Variants in CDKN2B-AS1 observed in about 807,000 individuals in gnomAD.
CDKN2B-AS1 encodes the protein CDKN2B antisense RNA 1 (non-protein coding).
intron 1 of CDKN2B-AS1, among the ~76,000 whole-genome samples, chr9:22,028,153 C>T (rs1822316225): frequency 6.6e-6 from 1 of 151,998 alleles, no homozygotes; most frequent in South Asian, 2.1e-4. Flanking sequence ...GGTGTCCATG[C>T]TATAATGATT....
chr9:22,091,006 A>C (rs201865751), intron 4 of CDKN2B-AS1, among the ~76,000 whole-genome samples: 48 of 152,302 alleles, frequency 3.2e-4, no homozygotes, highest in East Asian at 2.9e-3. Context: ...TTTTTGTATA[A>C]GGTATAAGGA....
chr9:22,028,776 G>A (rs1231869746), intron 1 of CDKN2B-AS1, among the ~76,000 whole-genome samples: 1 of 152,118 alleles, frequency 6.6e-6, no homozygotes, highest in Non-Finnish European at 1.5e-5. Context: ...AAACATTTAT[G>A]CAGTGTCACT....
chr9:22,022,048 A>G (rs1822037990), intron 1 of CDKN2B-AS1, among the ~76,000 whole-genome samples: 1 of 152,090 alleles, frequency 6.6e-6, no homozygotes, highest in Admixed American at 6.5e-5. Context: ...GTTCTTTTGC[A>G]TTTGCTGAGG....
rs967392347 is a variant in CDKN2B-AS1, at chr9:22,001,890, C to T, written n.29+6729C>T. 3.3e-5 allele frequency among the ~76,000 whole-genome samples: 5 copies of T among 152,072 alleles called. No individual in the cohort carries two copies. The highest frequency in any genetic ancestry group is 7.2e-5 in the African/African-American group (3 of 41,426). On this transcript the variant is annotated intron_variant and non_coding_transcript_variant, in intron 1 of 4. Transcript: ENST00000650946. The surrounding 1 kb of genome is among the most constrained non-coding windows in gnomAD (Gnocchi z 4.2). The stretch of plus-strand genomic sequence containing the variant: ...GTGGGAATCTAGGTCTTCTATCTTC[C>T]AGTCAAGTCCTTGTTTCACTTTTCT...
At chr9:22,054,876 C>T (rs1823491888) in intron 3 of CDKN2B-AS1, among the ~76,000 whole-genome samples, 2 of 151,676 alleles carry the variant, frequency 1.3e-5, no homozygotes, top group South Asian at 4.2e-4. Context: ...CTCTGCCTCC[C>T]AAGGAGCTGG....
intron 1 of CDKN2B-AS1, chr9:22,004,295 C>G (rs1027066219): frequency 1.3e-5 from 3 of 232,306 alleles, no homozygotes; most frequent in Non-Finnish European, 2.6e-5. Context: ...TTATAAGTCT[C>G]CACTCTCAAA....
At chr9:22,020,383 G>A (rs533531749) in intron 1 of CDKN2B-AS1, among the ~76,000 whole-genome samples, 3 of 152,260 alleles carry the variant, frequency 2.0e-5, no homozygotes, top group African/African-American at 7.2e-5. Flanking sequence ...ATTCCTTTGG[G>A]TGTATACCCA....
Position 21,999,501 on chromosome 9 carries a change from C to T in CDKN2B-AS1, n.29+4340C>T, listed in dbSNP as rs1820832925. Among the ~76,000 whole-genome samples the T allele has an allele frequency of 3.3e-5, 5 of 151,694 alleles. No homozygotes were observed. The highest frequency in any genetic ancestry group is 6.6e-5 in the Admixed American group (1 of 15,200). On this transcript the variant is annotated intron_variant and non_coding_transcript_variant, in intron 1 of 4. Transcript: ENST00000650946. This position sits in a 1 kb window ranked among gnomAD's most constrained non-coding sequence, Gnocchi z 4.7. ...GTATACACATGTACACATATATATA[C>T]ATACATATGTATATATGTATTTTAT...
chr9:22,080,284 A>G (rs765686072), intron 4 of CDKN2B-AS1, among the ~76,000 whole-genome samples: 9 of 152,214 alleles, frequency 5.9e-5, no homozygotes, highest in Non-Finnish European at 1.3e-4. Flanking sequence ...ATGGCTGCCA[A>G]AGTATTTTGG....
rs529221944 is a variant in CDKN2B-AS1 at position 22,045,545 on chromosome 9, AT to A, written n.30-1196del. On this transcript the variant is annotated intron_variant and non_coding_transcript_variant, in intron 1 of 4. Transcript: ENST00000650946. ...TAGTTTAGCTTCACTAAACTAGTCA[AT>A]TTTTTTTTTCTAAACATCAATGCTT... 6.6e-5 allele frequency among the ~76,000 whole-genome samples: 10 copies of A among 150,610 alleles called. No individual in the cohort carries two copies. The East Asian group carries it at 1.2e-3, about 18-fold the overall frequency.
chr9:22,091,029 T>C (rs1825063740), intron 4 of CDKN2B-AS1, among the ~76,000 whole-genome samples: 1 of 152,226 alleles, frequency 6.6e-6, no homozygotes, highest in African/African-American at 2.4e-5. Flanking sequence ...GGATCCAGTT[T>C]CAGCTTTCTA....
chr9:22,020,487 C>A (rs779457884), intron 1 of CDKN2B-AS1, among the ~76,000 whole-genome samples: 11 of 152,222 alleles, frequency 7.2e-5, no homozygotes, highest in Non-Finnish European at 1.5e-4. Context: ...AATTTACACT[C>A]CCACCAGCAG....
At chr9:22,011,670 A>T (rs1322109977) in intron 1 of CDKN2B-AS1, among the ~76,000 whole-genome samples, 1 of 152,224 alleles carries the variant, frequency 6.6e-6, no homozygotes, top group East Asian at 1.9e-4. Context: ...CAGATGGCTC[A>T]CCTCACAGCA....
At chr9:22,108,681 C>A (rs916729388) in intron 4 of CDKN2B-AS1, among the ~76,000 whole-genome samples, 4 of 152,146 alleles carry the variant, frequency 2.6e-5, no homozygotes, top group Admixed American at 1.3e-4. Flanking sequence ...TGAGCAGTTT[C>A]ACAATTTAAA....
chr9:22,017,006 C>G (rs558280372), intron 1 of CDKN2B-AS1, among the ~76,000 whole-genome samples: 78 of 152,186 alleles, frequency 5.1e-4, no homozygotes, highest in Non-Finnish European at 5.6e-4. Flanking sequence ...TAGTCTTTGA[C>G]AAAATCTTTG....
intron 1 of CDKN2B-AS1, among the ~76,000 whole-genome samples, chr9:22,037,759 A>G (rs1822748014): frequency 6.6e-6 from 1 of 152,096 alleles, no homozygotes; most frequent in Non-Finnish European, 1.5e-5. Context: ...AATGGAAATT[A>G]AAGCAAGGTA....
At chr9:22,012,312 G>C in intron 1 of CDKN2B-AS1, 1 of 1,459,854 alleles carries the variant, frequency 6.9e-7, no homozygotes, top group East Asian at 2.3e-5. Flanking sequence ...CTGGAGGATG[G>C]CCGCACTCTC....
At chr9:22,055,309 A>G (rs1823515049) in intron 3 of CDKN2B-AS1, among the ~76,000 whole-genome samples, 4 of 152,260 alleles carry the variant, frequency 2.6e-5, no homozygotes, top group East Asian at 3.9e-4. Context: ...GCAATTTTTA[A>G]TATTCTGCTG....
chr9:22,065,492 A>G (rs1458238340), intron 4 of CDKN2B-AS1, among the ~76,000 whole-genome samples: 1 of 152,204 alleles, frequency 6.6e-6, no homozygotes, highest in Admixed American at 6.5e-5. Flanking sequence ...AATACCTCCT[A>G]CTTCCTTTGA....
Sources: allele counts gnomAD v4.1 joint callset (sites outside exome capture counted in the v4.1 genomes callset), GRCh38; gene constraint gnomAD v4.1.1; non-coding constraint Gnocchi (gnomAD v3.1); transcripts MANE v1.5; gene names NCBI Gene and HGNC (gene_info 2026-07-23, HGNC 2026-07-21).